The following AUTS2 variants were observed in gnomAD, a reference collection of about 807,000 sequenced individuals.
AUTS2 encodes the protein autism susceptibility gene 2 protein.
A neutral mutation model predicts 112.4 loss-of-function variants in AUTS2; 17 were observed. That is an observed-to-expected ratio of 0.15 (90% CI 0.10 to 0.23). The LOEUF is 0.23. Ranked by LOEUF, AUTS2 falls within the 10% of genes least tolerant of loss-of-function variation. The pLI is 1.00. For missense variants in AUTS2, 1,510 were observed against 1,701.6 expected (o/e 0.89, Z 1.98); for synonymous variants, 751 against 702.7 (o/e 1.07, Z -1.09).
chr7:69,612,964 C>T (rs567205653), intron 1 of AUTS2, among the ~76,000 whole-genome samples: 1 of 152,254 alleles, frequency 6.6e-6, no homozygotes, highest in East Asian at 1.9e-4. Context: ...GAGGGAGCTG[C>T]TATTTACTAT....
chr7:70,681,636 T>G (rs910942884), intron 5 of AUTS2, among the ~76,000 whole-genome samples: 10 of 152,092 alleles, frequency 6.6e-5, no homozygotes, highest in Non-Finnish European at 1.0e-4. Context: ...ACTTTGCTTT[T>G]CCAGAATTAA....
At chr7:69,966,610 A>G (rs1797645227) in intron 2 of AUTS2, among the ~76,000 whole-genome samples, 1 of 152,130 alleles carries the variant, frequency 6.6e-6, no homozygotes, top group African/African-American at 2.4e-5. Context: ...TTGGCAATAG[A>G]GATGTGCCAT....
chr7:70,212,648 G>GT (rs1212019091), intron 4 of AUTS2, among the ~76,000 whole-genome samples: 3 of 151,556 alleles, frequency 2.0e-5, no homozygotes, highest in African/African-American at 7.3e-5. Flanking sequence ...TTTAAAAAGA[G>GT]TGTTGATTTG....
At chr7:69,641,390 A>G (rs1003296247) in intron 1 of AUTS2, among the ~76,000 whole-genome samples, 3 of 152,198 alleles carry the variant, frequency 2.0e-5, no homozygotes, top group African/African-American at 7.2e-5. Flanking sequence ...TGCATCATCT[A>G]TATTGCCTGC....
chr7:69,712,648 G>A (rs1798382670), intron 1 of AUTS2, among the ~76,000 whole-genome samples: 1 of 152,130 alleles, frequency 6.6e-6, no homozygotes, highest in Non-Finnish European at 1.5e-5. Context: ...AGTAATACCA[G>A]CTTTTTGCAG....
chr7:70,272,562 G>T (rs1584957372), intron 4 of AUTS2, among the ~76,000 whole-genome samples: 1 of 152,044 alleles, frequency 6.6e-6, no homozygotes, highest in South Asian at 2.1e-4. Context: ...TAGTCTCTTA[G>T]ACTTTAAAAA....
intron 2 of AUTS2, among the ~76,000 whole-genome samples, chr7:69,929,272 T>G (rs1796142123): frequency 6.6e-6 from 1 of 152,114 alleles, no homozygotes; most frequent in South Asian, 2.1e-4. Context: ...TCTTTTTTTT[T>G]GACTGCTTTT....
chr7:70,381,591 A>G (rs912059014), intron 4 of AUTS2, among the ~76,000 whole-genome samples: 1 of 152,230 alleles, frequency 6.6e-6, no homozygotes. Flanking sequence ...AGGGATTTGA[A>G]GATTCTTAAT....
chr7:69,613,631 A>G (rs562473090), intron 1 of AUTS2, among the ~76,000 whole-genome samples: 1 of 152,316 alleles, frequency 6.6e-6, no homozygotes, highest in Admixed American at 6.5e-5. Context: ...TGGAATGAGG[A>G]CTAGCATGCC....
intron 1 of AUTS2, among the ~76,000 whole-genome samples, chr7:69,821,612 A>G (rs1790994898): frequency 6.6e-6 from 1 of 152,142 alleles, no homozygotes; most frequent in Non-Finnish European, 1.5e-5. Context: ...AAGAGCTGCA[A>G]CACTCACCGC....
At chr7:69,625,925 T>C (rs775011090) in intron 1 of AUTS2, among the ~76,000 whole-genome samples, 1 of 151,838 alleles carries the variant, frequency 6.6e-6, no homozygotes, top group South Asian at 2.1e-4. Flanking sequence ...CAATGGAACA[T>C]AGGAAATTAG....
intron 5 of AUTS2, among the ~76,000 whole-genome samples, chr7:70,581,454 A>G (rs981038840): frequency 6.6e-6 from 1 of 152,176 alleles, no homozygotes; most frequent in African/African-American, 2.4e-5. Flanking sequence ...GCTACTCAGG[A>G]GGCTGAGGTG....
chr7:69,753,601 A>G (rs1166141413), intron 1 of AUTS2, among the ~76,000 whole-genome samples: 2 of 152,186 alleles, frequency 1.3e-5, no homozygotes, highest in Non-Finnish European at 2.9e-5. Context: ...AATATGGGTA[A>G]TGTTTGTGAA....
intron 6 of AUTS2, among the ~76,000 whole-genome samples, chr7:70,761,858 G>A (rs1017746884): frequency 6.6e-6 from 1 of 152,208 alleles, no homozygotes; most frequent in Non-Finnish European, 1.5e-5. Context: ...CCTTTAACTT[G>A]GTTGAGTGGG....
chr7:70,331,973 C>T (rs191765189), intron 4 of AUTS2, among the ~76,000 whole-genome samples: 222 of 152,128 alleles, frequency 1.5e-3, no homozygotes, highest in Non-Finnish European at 2.6e-3. Context: ...GGCAGTCAGG[C>T]AAGAGAAAGA....
chr7:70,709,750 C>A (rs1045477488), intron 6 of AUTS2, among the ~76,000 whole-genome samples: 3 of 152,188 alleles, frequency 2.0e-5, no homozygotes, highest in Non-Finnish European at 2.9e-5. Flanking sequence ...CCTCTCAGAA[C>A]CTGACGCTTC....
intron 4 of AUTS2, among the ~76,000 whole-genome samples, chr7:70,305,329 G>A (rs1296802279): frequency 1.3e-5 from 2 of 151,414 alleles, no homozygotes. Flanking sequence ...GATATATGAA[G>A]GTACCCACTG....
At position 70,169,350 on chromosome 7, in the gene AUTS2, C is replaced by G. The variant is rs1403937193; in HGVS notation, c.660+34779C>G. On this transcript the variant is annotated intron_variant, in intron 4 of 18. Transcript: ENST00000342771. ...CTGCTTCCTGAGTTCACGCCATTCTCTTGCCTCAGCCTCCCGAGTAGCTGC... is the reference window on the plus strand; with the variant it reads ...CTGCTTCCTGAGTTCACGCCATTCTGTTGCCTCAGCCTCCCGAGTAGCTGC... Among the ~76,000 whole-genome samples the G allele has an allele frequency of 2.0e-5, 3 of 152,216 alleles. No individual in the cohort carries two copies. The East Asian group carries it at 5.8e-4, about 29-fold the overall frequency.
At chr7:70,747,325 T>A (rs762066459) in intron 6 of AUTS2, among the ~76,000 whole-genome samples, 4 of 152,174 alleles carry the variant, frequency 2.6e-5, no homozygotes, top group Admixed American at 6.5e-5. Context: ...TAATTGTGAG[T>A]GGTAAGCAGC....
Sources: gnomAD v4.1 joint callset for allele counts (sites outside exome capture counted in the v4.1 genomes callset) on GRCh38, gnomAD v4.1.1 for gene constraint, MANE v1.5 for transcripts, NCBI Gene and HGNC (gene_info 2026-07-23, HGNC 2026-07-21) for gene names.